Variants in SDSL observed in about 807,000 individuals in gnomAD.
SDSL encodes serine dehydratase-like.
Under a neutral mutation model 27.6 loss-of-function variants are expected in SDSL, and 26 were observed. The ratio of observed to expected loss-of-function variants is 0.94; its 90% CI spans 0.69 to 1.31. The LOEUF (loss-of-function observed/expected upper bound fraction) is 1.31. Among genes scored for constraint, SDSL ranks in the 50% most tolerant of loss-of-function variants. The pLI is 0.00. For synonymous variants in SDSL, 196 were observed against 180.6 expected (o/e 1.09, Z -0.69); for missense variants, 431 against 423.5 (o/e 1.02, Z -0.16).
rs2136960081 is a variant in SDSL, at chr12:113,435,274, A to G, written c.444-55A>G. 6 of 1,282,400 alleles carry G rather than the reference A, an allele frequency of 4.7e-6. No homozygotes were observed. The South Asian group carries it at 7.6e-5, about 16-fold the overall frequency. 79.4% of individuals were successfully genotyped at this position (1,282,400 alleles called of 1,614,324 possible). Reference sequence around the variant, plus strand: ...GGTAAATTCCCCCACCACAGGAGCCATCTGGGCTGGGGTCCTCCCTCACTC... The same window carrying G: ...GGTAAATTCCCCCACCACAGGAGCCGTCTGGGCTGGGGTCCTCCCTCACTC... On this transcript the variant is annotated intron_variant, in intron 5 of 7. Coordinates refer to ENST00000403593, the MANE Select transcript of SDSL (RefSeq NM_001304993.2).
chr12:113,434,356 T>G (rs1957965766), intron 5 of SDSL, 134 bp downstream of exon 5: 1 of 627,816 alleles, frequency 1.6e-6, no homozygotes, highest in Non-Finnish European at 2.7e-6. Context: ...AGACATGGGT[T>G]CAGATCCCAC....
At chr12:113,437,060 CTG>C (rs528943033) in intron 7 of SDSL, 185 bp downstream of exon 7, 206 of 476,152 alleles carry the variant, frequency 4.3e-4, no homozygotes, top group Non-Finnish European at 6.2e-4. Context: ...GTGTATCTTG[CTG>C]TCTCTAGCCC....
intron 1 of SDSL, among the ~76,000 whole-genome samples, chr12:113,423,898 C>T (rs1390794740): frequency 3.9e-5 from 6 of 152,210 alleles, no homozygotes; most frequent in African/African-American, 1.2e-4. Flanking sequence ...CATGGGTGCC[C>T]TTACCATGCA....
At chr12:113,429,138 C>T (rs1483980944) in intron 3 of SDSL, 22 bp from the exon 4 acceptor site, 2 of 1,604,202 alleles carry the variant, frequency 1.2e-6, no homozygotes, top group Non-Finnish European at 1.7e-6. Flanking sequence ...TGCCCACTGC[C>T]CCTTTCCTCC....
At chr12:113,432,278 T>TTCTCTC (rs1333966590) in intron 4 of SDSL, among the ~76,000 whole-genome samples, 4 of 73,560 alleles carry the variant, frequency 5.4e-5, no homozygotes, top group African/African-American at 2.1e-4. Context: ...CTTTCTTTCT[T>TTCTCTC]TCTTTCTTTC....
chr12:113,434,343 G>C, intron 5 of SDSL, 121 bp downstream of exon 5: 1 of 704,974 alleles, frequency 1.4e-6, no homozygotes, highest in South Asian at 2.3e-5. Context: ...TTCAAAGCCA[G>C]GCAGACATGG....
Position 113,427,947 on chromosome 12 carries a change from T to C in SDSL, c.-21-15T>C. 1 of 1,585,690 alleles carries C rather than the reference T, an allele frequency of 6.3e-7. No homozygotes were observed. Among genetic ancestry groups the C allele is most frequent in the Non-Finnish European group, 8.6e-7 (1 of 1,165,250 alleles). On this transcript the variant is annotated splice_polypyrimidine_tract_variant and intron_variant, in intron 1 of 7. Transcript: ENST00000403593. ...ATGGGGACTGCCTGGGTGGTGACTT[T>C]GTGTCCTCCTGCAGGCTGTCTACCT...
intron 1 of SDSL, chr12:113,422,946 G>A (rs899962807): frequency 6.6e-6 from 1 of 152,336 alleles, no homozygotes; most frequent in African/African-American, 2.4e-5. Flanking sequence ...ACCTGAGCCT[G>A]AGCCCCCTGC....
At chr12:113,424,392 CT>C (rs1199343919) in intron 1 of SDSL, among the ~76,000 whole-genome samples, 3 of 152,182 alleles carry the variant, frequency 2.0e-5, no homozygotes, top group Non-Finnish European at 4.4e-5. Context: ...AGTAGGTCCC[CT>C]TGTTCTTCTC....
At chr12:113,428,946 T>C (rs1220960382) in intron 3 of SDSL, among the ~76,000 whole-genome samples, 1 of 148,878 alleles carries the variant, frequency 6.7e-6, no homozygotes, top group Non-Finnish European at 1.5e-5. Flanking sequence ...CCCGCTTGGG[T>C]GGCGTCTTCA....
intron 4 of SDSL, among the ~76,000 whole-genome samples, chr12:113,430,615 C>A (rs1011309709): frequency 6.6e-6 from 1 of 152,124 alleles, no homozygotes; most frequent in Non-Finnish European, 1.5e-5. Flanking sequence ...GCTCTTAAGA[C>A]CTCAGCCCAG....
intron 7 of SDSL, 40 bp from the exon 8 acceptor site, chr12:113,437,846 C>A: frequency 6.5e-7 from 1 of 1,541,190 alleles, no homozygotes; most frequent in Non-Finnish European, 8.7e-7. Flanking sequence ...AGTGGTTCTT[C>A]TTCCCTTTCC....
Position 113,422,490 on chromosome 12 carries a change from G to A in SDSL, c.-22+13G>A, listed in dbSNP as rs1233115227. 1.3e-5 allele frequency: 2 copies of A among 152,816 alleles called. No individual in the cohort carries two copies. The highest frequency in any genetic ancestry group is 6.6e-5 in the Admixed American group (1 of 15,256). The allele number at this position is 152,816 out of a possible 1,614,324, so 9.5% of individuals were successfully genotyped here. On this transcript the variant is annotated intron_variant, in intron 1 of 7. Transcript: ENST00000403593. ...GTTGGGCAGGGAGGTAAGGGGTCTG[G>A]GGCCAGCTGGGGCCCCTGGGGCTCA...
intron 2 of SDSL, 132 bp downstream of exon 2, chr12:113,428,288 G>T: frequency 7.6e-7 from 1 of 1,309,894 alleles, no homozygotes. Context: ...GGAAAGGTAA[G>T]GGCAGGGCTG....
chr12:113,430,246 A>C (rs1173124870), intron 4 of SDSL, among the ~76,000 whole-genome samples: 2 of 152,116 alleles, frequency 1.3e-5, no homozygotes, highest in Non-Finnish European at 2.9e-5. Context: ...TACACTCATA[A>C]ATTTGAGATT....
At chr12:113,424,427 T>G (rs1003697720) in intron 1 of SDSL, among the ~76,000 whole-genome samples, 10 of 152,230 alleles carry the variant, frequency 6.6e-5, no homozygotes, top group Non-Finnish European at 1.3e-4. Flanking sequence ...ATATGCGTGT[T>G]TCCCTCTTAG....
chr12:113,423,734 C>A (rs1957817095), intron 1 of SDSL, among the ~76,000 whole-genome samples: 1 of 152,082 alleles, frequency 6.6e-6, no homozygotes, highest in Non-Finnish European at 1.5e-5. Context: ...AGAGTGAGAC[C>A]TTGTCTCTAA....
intron 7 of SDSL, 198 bp downstream of exon 7, chr12:113,437,073 C>T: frequency 2.4e-6 from 1 of 416,952 alleles, no homozygotes; most frequent in Non-Finnish European, 4.1e-6. Flanking sequence ...TCTCTAGCCC[C>T]CAGACTTTCA....
chr12:113,426,088 G>A (rs965328586), intron 1 of SDSL: 6 of 440,782 alleles, frequency 1.4e-5, no homozygotes, highest in South Asian at 7.9e-5. Context: ...ACTCCTCTCC[G>A]TGGGCGGGAA....
Sources: allele counts gnomAD v4.1 joint callset (sites outside exome capture counted in the v4.1 genomes callset), GRCh38; gene constraint gnomAD v4.1.1; transcripts MANE v1.5; gene names NCBI Gene and HGNC (gene_info 2026-07-23, HGNC 2026-07-21).